The following ABTB3 variants were observed in gnomAD, a reference collection of about 807,000 sequenced individuals.
ABTB3 encodes the protein ankyrin repeat and BTB domain containing 3.
the ABTB3 span, among the ~76,000 whole-genome samples, chr12:107,553,937 TGA>T: frequency 2.0e-5 from 3 of 151,086 alleles, no homozygotes; most frequent in Admixed American, 6.6e-5. Context: ...AAGACTGTCT[TGA>T]GAGAGAGAGA....
chr12:107,542,421 T>C, the ABTB3 span, among the ~76,000 whole-genome samples: 3 of 152,272 alleles, frequency 2.0e-5, no homozygotes, highest in South Asian at 4.1e-4. Context: ...GGCAAGTGCA[T>C]TAAATAATAT....
chr12:107,618,352 A>C, the ABTB3 span: 2 of 1,613,250 alleles, frequency 1.2e-6, no homozygotes, highest in Non-Finnish European at 8.5e-7. Flanking sequence ...GGCTACGTGG[A>C]TGTCACAATT....
chr12:107,499,598 C>T, the ABTB3 span, among the ~76,000 whole-genome samples: 1 of 152,046 alleles, frequency 6.6e-6, no homozygotes, highest in African/African-American at 2.4e-5. Flanking sequence ...GCTGGGGAGG[C>T]CTCAGGAAAC....
chr12:107,328,250 G>A, the ABTB3 span, among the ~76,000 whole-genome samples: 1 of 152,346 alleles, frequency 6.6e-6, no homozygotes, highest in African/African-American at 2.4e-5. Context: ...TGCTTAAGGT[G>A]ACATGGCTTG....
At chr12:107,635,428 T>C in the ABTB3 span, 1 of 1,589,092 alleles carries the variant, frequency 6.3e-7, no homozygotes. Flanking sequence ...GCTGCTGCTT[T>C]GTGATTTAAG....
the ABTB3 span, among the ~76,000 whole-genome samples, chr12:107,447,394 G>A: frequency 2.0e-5 from 3 of 152,054 alleles, no homozygotes; most frequent in East Asian, 1.9e-4. Context: ...CACCCACCTC[G>A]GCCTCCCAAA....
the ABTB3 span, among the ~76,000 whole-genome samples, chr12:107,564,886 A>G: frequency 6.6e-6 from 1 of 152,232 alleles, no homozygotes; most frequent in Non-Finnish European, 1.5e-5. Context: ...CTTGTTTCCT[A>G]CTTGTTACAC....
the ABTB3 span, among the ~76,000 whole-genome samples, chr12:107,331,424 G>A: frequency 6.6e-6 from 1 of 152,236 alleles, no homozygotes; most frequent in African/African-American, 2.4e-5. Context: ...GGACAGGAGT[G>A]TTTGATGGGG....
chr12:107,581,543 G>T, the ABTB3 span, among the ~76,000 whole-genome samples: 3 of 152,226 alleles, frequency 2.0e-5, no homozygotes, highest in African/African-American at 7.2e-5. Context: ...TTAGATTACA[G>T]ATGTCGGTGT....
the ABTB3 span, among the ~76,000 whole-genome samples, chr12:107,594,589 C>T: frequency 2.0e-5 from 3 of 151,932 alleles, no homozygotes; most frequent in Admixed American, 6.6e-5. Flanking sequence ...TACCTCAGCA[C>T]AAAGCACTCT....
chr12:107,583,592 T>C, the ABTB3 span, among the ~76,000 whole-genome samples: 413 of 152,286 alleles, frequency 2.7e-3, 9 homozygotes, highest in East Asian at 0.042. Flanking sequence ...CTCTGTCCCT[T>C]TTCACAATTT....
At chr12:107,625,119 C>T in the ABTB3 span, among the ~76,000 whole-genome samples, 2 of 152,214 alleles carry the variant, frequency 1.3e-5, no homozygotes, top group African/African-American at 4.8e-5. Context: ...TGTCCACTAT[C>T]TGTGTATTCT....
At chr12:107,597,110 A>G in the ABTB3 span, among the ~76,000 whole-genome samples, 1 of 152,098 alleles carries the variant, frequency 6.6e-6, no homozygotes, top group African/African-American at 2.4e-5. Flanking sequence ...GCATCACCAG[A>G]CTCATAGATG....
chr12:107,402,504 C>T, the ABTB3 span, among the ~76,000 whole-genome samples: 1 of 152,138 alleles, frequency 6.6e-6, no homozygotes, highest in Non-Finnish European at 1.5e-5. Context: ...ATATGGTACC[C>T]CATCTCCTTC....
At chr12:107,544,499 G>A in the ABTB3 span, among the ~76,000 whole-genome samples, 2 of 152,138 alleles carry the variant, frequency 1.3e-5, no homozygotes, top group Non-Finnish European at 2.9e-5. Flanking sequence ...CATCCTGGCT[G>A]CCCCAGGGCC....
At chr12:107,389,447 C>A in the ABTB3 span, among the ~76,000 whole-genome samples, 2 of 151,470 alleles carry the variant, frequency 1.3e-5, no homozygotes, top group Non-Finnish European at 2.9e-5. Context: ...AATGATAGAG[C>A]CGGACAGTCT....
chr12:107,475,209 C>T, the ABTB3 span, among the ~76,000 whole-genome samples: 1 of 152,174 alleles, frequency 6.6e-6, no homozygotes, highest in Non-Finnish European at 1.5e-5. Flanking sequence ...TCTCCCTGGA[C>T]TCGAGGTAAG....
At chr12:107,414,134 G>C in the ABTB3 span, among the ~76,000 whole-genome samples, 1 of 152,134 alleles carries the variant, frequency 6.6e-6, no homozygotes, top group Non-Finnish European at 1.5e-5. Context: ...AAATGAACAT[G>C]AATTTATTTT....
At chr12:107,608,893 T>TA in the ABTB3 span, among the ~76,000 whole-genome samples, 7,921 of 82,756 alleles carry the variant, frequency 0.096, 630 homozygotes, top group African/African-American at 0.23. Flanking sequence ...TAAAATAAAA[T>TA]AAATAAAATA....
Sources: allele counts gnomAD v4.1 joint callset (sites outside exome capture counted in the v4.1 genomes callset), GRCh38; gene constraint gnomAD v4.1.1; transcripts MANE v1.5; gene names NCBI Gene and HGNC (gene_info 2026-07-23, HGNC 2026-07-21).